CNTN6: variants seen among roughly 807,000 people sequenced by gnomAD.
CNTN6 encodes the protein contactin 6.
A neutral mutation model predicts 122.8 loss-of-function variants in CNTN6; 137 were observed. That is an observed-to-expected ratio of 1.12 (90% CI 0.97 to 1.29). The LOEUF is 1.29. CNTN6 is among the 50% of genes most tolerant of loss of function. CNTN6 has a pLI of 0.00. For synonymous variants in CNTN6, 570 were observed against 426.0 expected (o/e 1.34, Z -4.16); for missense variants, 1,634 against 1,223.4 (o/e 1.34, Z -5.01).
intron 7 of CNTN6, among the ~76,000 whole-genome samples, chr3:1,308,013 T>G (rs978363579): frequency 6.6e-6 from 1 of 152,150 alleles, no homozygotes; most frequent in African/African-American, 2.4e-5. Context: ...TAGTCCACAT[T>G]TGATGAATAG....
chr3:1,318,693 A>G (rs533015200), intron 7 of CNTN6, among the ~76,000 whole-genome samples: 14 of 151,788 alleles, frequency 9.2e-5, no homozygotes, highest in Admixed American at 5.3e-4. Context: ...TCATACCTAG[A>G]GTTGTCTCAC....
intron 7 of CNTN6, among the ~76,000 whole-genome samples, chr3:1,318,420 A>C (rs1700413469): frequency 6.6e-6 from 1 of 151,800 alleles, no homozygotes; most frequent in Non-Finnish European, 1.5e-5. Context: ...GAAATACTTA[A>C]GGTTTCCTAC....
At chr3:1,223,422 C>T (rs533978279) in intron 3 of CNTN6, among the ~76,000 whole-genome samples, 3 of 152,122 alleles carry the variant, frequency 2.0e-5, no homozygotes, top group Non-Finnish European at 4.4e-5. Flanking sequence ...TAAAAGCAAA[C>T]TTTTTGAAAG....
At chr3:1,180,878 T>G (rs993196151) in intron 2 of CNTN6, among the ~76,000 whole-genome samples, 5 of 152,226 alleles carry the variant, frequency 3.3e-5, no homozygotes, top group Admixed American at 3.3e-4. Context: ...TAAAGTGCTT[T>G]GTGAATCATA....
intron 20 of CNTN6, among the ~76,000 whole-genome samples, chr3:1,399,094 C>T (rs188345844): frequency 8.5e-5 from 13 of 152,108 alleles, no homozygotes; most frequent in African/African-American, 1.9e-4. Context: ...ACAAAACATC[C>T]GGAAATACAT....
chr3:1,263,554 C>G (rs73818520), intron 4 of CNTN6, among the ~76,000 whole-genome samples: 1 of 152,218 alleles, frequency 6.6e-6, no homozygotes, highest in African/African-American at 2.4e-5. Flanking sequence ...AGCCTCTTCT[C>G]TAAGAAACCT....
chr3:1,134,812 C>G (rs1167354077), intron 1 of CNTN6, among the ~76,000 whole-genome samples: 2 of 152,006 alleles, frequency 1.3e-5, no homozygotes, highest in African/African-American at 4.8e-5. Flanking sequence ...TTTATATAAA[C>G]ATGAATTCCA....
At chr3:1,128,242 A>T (rs1422463692) in intron 1 of CNTN6, 6 of 152,058 alleles carry the variant, frequency 3.9e-5, no homozygotes, top group African/African-American at 1.4e-4. Context: ...TGCATCATAA[A>T]TGTGATTTTG....
intron 7 of CNTN6, among the ~76,000 whole-genome samples, chr3:1,306,835 A>G (rs1225228710): frequency 2.0e-5 from 3 of 152,154 alleles, no homozygotes; most frequent in Non-Finnish European, 4.4e-5. Context: ...TGGTTTCTGT[A>G]TTATATTTTT....
intron 1 of CNTN6, among the ~76,000 whole-genome samples, chr3:1,126,254 T>C (rs775679731): frequency 2.2e-4 from 33 of 151,926 alleles, no homozygotes; most frequent in Non-Finnish European, 3.7e-4. Context: ...TATGTGATTT[T>C]CAAAAACATG....
At chr3:1,271,066 C>G (rs112204794) in intron 4 of CNTN6, among the ~76,000 whole-genome samples, 3,816 of 152,170 alleles carry the variant, frequency 0.025, 165 homozygotes, top group African/African-American at 0.087. Flanking sequence ...TTAGTAGAGA[C>G]AGGGTTTCAC....
At chr3:1,113,222 T>C (rs1481092831) in intron 1 of CNTN6, among the ~76,000 whole-genome samples, 2 of 152,200 alleles carry the variant, frequency 1.3e-5, no homozygotes, top group African/African-American at 4.8e-5. Context: ...TTTAGAATAA[T>C]TAACACAAGG....
At chr3:1,131,638 C>G (rs2092338907) in intron 1 of CNTN6, among the ~76,000 whole-genome samples, 1 of 152,126 alleles carries the variant, frequency 6.6e-6, no homozygotes, top group South Asian at 2.1e-4. Flanking sequence ...CACCTGGGAA[C>G]CTCCAGGGAT....
chr3:1,094,302 A>G (rs151035118), intron 1 of CNTN6, among the ~76,000 whole-genome samples: 9 of 152,328 alleles, frequency 5.9e-5, no homozygotes, highest in African/African-American at 2.2e-4. Context: ...AAACATACGC[A>G]TGTTCACAAA....
At chr3:1,244,426 AGAAGGG>A (rs2094530759) in intron 4 of CNTN6, among the ~76,000 whole-genome samples, 1 of 129,786 alleles carries the variant, frequency 7.7e-6, no homozygotes, top group Non-Finnish European at 1.6e-5. Flanking sequence ...AGGGTGAAGG[AGAAGGG>A]GTTGAGGGGT....
intron 11 of CNTN6, among the ~76,000 whole-genome samples, chr3:1,349,230 A>G (rs1705236652): frequency 6.6e-6 from 1 of 151,880 alleles, no homozygotes; most frequent in South Asian, 2.1e-4. Context: ...TTAAATCCTC[A>G]TATAATAATA....
At chr3:1,390,973 G>A (rs1455484672) in intron 20 of CNTN6, among the ~76,000 whole-genome samples, 39 of 144,924 alleles carry the variant, frequency 2.7e-4, no homozygotes, top group Non-Finnish European at 3.3e-4. Flanking sequence ...TCTACCAGAG[G>A]TACAAGGAGG....
intron 1 of CNTN6, among the ~76,000 whole-genome samples, chr3:1,116,013 A>G (rs2091703815): frequency 1.3e-5 from 2 of 152,200 alleles, no homozygotes; most frequent in Non-Finnish European, 2.9e-5. Flanking sequence ...TCTTGGAACC[A>G]TAGTGATACA....
intron 2 of CNTN6, among the ~76,000 whole-genome samples, chr3:1,198,867 G>T (rs551676929): frequency 7.9e-5 from 12 of 152,278 alleles, no homozygotes; most frequent in African/African-American, 2.9e-4. Flanking sequence ...TATGTAATTT[G>T]TTAAAAATCT....
Sources: gnomAD v4.1 joint callset for allele counts (sites outside exome capture counted in the v4.1 genomes callset) on GRCh38, gnomAD v4.1.1 for gene constraint, MANE v1.5 for transcripts, NCBI Gene and HGNC (gene_info 2026-07-23, HGNC 2026-07-21) for gene names.